Variants in KCNK5 observed in about 807,000 individuals in gnomAD.
KCNK5 encodes potassium two pore domain channel subfamily K member 5, also known as potassium channel subfamily K member 5.
A neutral mutation model predicts 32.9 loss-of-function variants in KCNK5; 18 were observed. The observed-to-expected ratio is 0.55, with a 90% confidence interval of 0.38 to 0.81. The LOEUF (loss-of-function observed/expected upper bound fraction) is 0.81. Among genes scored for constraint, KCNK5 ranks in the 30% least tolerant of loss-of-function variants. KCNK5 has a pLI of 0.00. For synonymous variants in KCNK5, 276 were observed against 275.3 expected (o/e 1.00, Z -0.03); for missense variants, 507 against 651.0 (o/e 0.78, Z 2.41).
chr6:39,225,358 C>T (rs1453230790), intron 1 of KCNK5, among the ~76,000 whole-genome samples: 1 of 152,152 alleles, frequency 6.6e-6, no homozygotes, highest in Non-Finnish European at 1.5e-5. Context: ...CCTAATTTTC[C>T]TCATTTATGA....
rs141388515 is a variant in KCNK5, at chr6:39,205,356, G to C, written c.187-9369C>G. ...TCCCTCTCAAACACACATACCAGATGACCCTCTGAGGCCATGCTCTCAAAA... is the reference window on the plus strand; with the variant it reads ...TCCCTCTCAAACACACATACCAGATCACCCTCTGAGGCCATGCTCTCAAAA... On this transcript the variant is annotated intron_variant, in intron 1 of 4. Transcript: ENST00000359534. 6.1e-3 allele frequency among the ~76,000 whole-genome samples: 928 copies of C among 152,276 alleles called. 8 individuals carry two copies. The highest frequency in any genetic ancestry group is 0.037 in the Middle Eastern group (11 of 294).
At chr6:39,205,472 C>G (rs1310023063) in intron 1 of KCNK5, among the ~76,000 whole-genome samples, 2 of 152,224 alleles carry the variant, frequency 1.3e-5, no homozygotes, top group African/African-American at 4.8e-5. Context: ...CCTATAGCTT[C>G]TCTACCCCAA....
Position 39,224,617 on chromosome 6 carries a change from C to T in KCNK5, c.186+4309G>A, listed in dbSNP as rs975506782. ...TGGAAAACCTTAGAACACAAGAAAG[C>T]ACTTTGGAGCTTAGGAAGGAAGGAG... On this transcript the variant is annotated intron_variant, in intron 1 of 4. Transcript: ENST00000359534. Among the ~76,000 whole-genome samples the T allele has an allele frequency of 2.6e-5, 4 of 152,170 alleles. No homozygotes were observed. In the East Asian group the frequency reaches 5.8e-4, roughly 22 times the overall value.
At chr6:39,207,087 C>CTGT (rs1452080058) in intron 1 of KCNK5, among the ~76,000 whole-genome samples, 1 of 152,200 alleles carries the variant, frequency 6.6e-6, no homozygotes, top group East Asian at 1.9e-4. Context: ...CCAGTCCCTC[C>CTGT]GGCTCAGCAG....
intron 1 of KCNK5, among the ~76,000 whole-genome samples, chr6:39,218,967 G>C (rs4714224): frequency 0.27 from 41,336 of 152,136 alleles, 5,702 homozygotes; most frequent in Admixed American, 0.36. Flanking sequence ...GACCAGGGCT[G>C]ATTCTCTTGC....
chr6:39,205,608 T>G (rs116584110), intron 1 of KCNK5, among the ~76,000 whole-genome samples: 1 of 152,204 alleles, frequency 6.6e-6, no homozygotes, highest in African/African-American at 2.4e-5. Flanking sequence ...GCCCCCAGAG[T>G]TCAGATCCCA....
At position 39,189,731 on chromosome 6, in the gene KCNK5, A is replaced by G. The variant is rs961414365; in HGVS notation, c.*1159T>C. On this transcript the variant is annotated 3_prime_UTR_variant, in exon 5 of 5. Transcript: ENST00000359534. ...CCAGCCCAAATCCTTTCCTTTCTTA[A>G]ACACACACGAGTGCACAGGTGTGCG... 1.0e-4 allele frequency: 16 copies of G among 152,564 alleles called. No homozygotes were observed. Among genetic ancestry groups the G allele is most frequent in the African/African-American group, 3.9e-4 (16 of 41,414 alleles). The allele number at this position is 152,564 out of a possible 1,614,324, so 9.5% of individuals were successfully genotyped here.
At chr6:39,192,959 T>C (rs552895769) in intron 4 of KCNK5, among the ~76,000 whole-genome samples, 2 of 152,204 alleles carry the variant, frequency 1.3e-5, no homozygotes, top group African/African-American at 4.8e-5. Context: ...CGGGCTCAGA[T>C]AGCAGGTGCC....
Position 39,194,206 on chromosome 6 carries a change from G to C in KCNK5, c.597C>G (p.Ile199Met). 1 of 1,614,180 alleles carries C rather than the reference G, an allele frequency of 6.2e-7. No homozygotes were observed. The highest frequency in any genetic ancestry group is 8.5e-7 in the Non-Finnish European group (1 of 1,180,028). Residue 199 changes from isoleucine to methionine, a missense_variant, in exon 4 of 5, where the codon ATC (isoleucine) becomes ATG (methionine). By Grantham distance (10) the Ile-to-Met change is conservative. This residue lies in a region of KCNK5 where 45 missense variants were observed against 107.6 expected (regional missense o/e 0.42). Transcript: ENST00000359534. This position sits in a 1 kb window ranked among gnomAD's most constrained non-coding sequence, Gnocchi z 4.7. The stretch of plus-strand genomic sequence containing the variant: ...CACCGAAGCCGATGGTGGAGATGGT[G>C]ATGAAGGAGTAGTAGAGGCCCTCGA... ...NYIEGLYYSF[I>M]TISTIGFGDF...
intron 1 of KCNK5, among the ~76,000 whole-genome samples, chr6:39,227,288 C>T (rs2113801544): frequency 6.6e-6 from 1 of 152,260 alleles, no homozygotes; most frequent in South Asian, 2.1e-4. Context: ...CCTCTTCCCC[C>T]TCTAAACAAA....
At position 39,214,958 on chromosome 6, in the gene KCNK5, C is replaced by G. The variant is rs560756580; in HGVS notation, c.186+13968G>C. On this transcript the variant is annotated intron_variant, in intron 1 of 4. Coordinates refer to ENST00000359534, the MANE Select transcript of KCNK5 (RefSeq NM_003740.4). Reference sequence around the variant, plus strand: ...TTCATTCCCACAACCCTTAATCCAGCACTGGGCATACAGCGGGCACTAAGT... The same window carrying G: ...TTCATTCCCACAACCCTTAATCCAGGACTGGGCATACAGCGGGCACTAAGT... Among the ~76,000 whole-genome samples the G allele has an allele frequency of 3.3e-5, 5 of 152,328 alleles. No individual in the cohort carries two copies. The East Asian group carries it at 9.6e-4, about 29-fold the overall frequency.
At chr6:39,197,084 C>T (rs1450183364) in intron 1 of KCNK5, among the ~76,000 whole-genome samples, 5 of 152,140 alleles carry the variant, frequency 3.3e-5, no homozygotes, top group Admixed American at 6.5e-5. Context: ...CCCCAAGGAG[C>T]GCCTGCAGAT....
intron 1 of KCNK5, among the ~76,000 whole-genome samples, chr6:39,216,281 T>C (rs896977552): frequency 6.6e-6 from 1 of 152,008 alleles, no homozygotes; most frequent in Non-Finnish European, 1.5e-5. Context: ...TGAGACTCCA[T>C]CTCAAAACAA....
At chr6:39,216,964 A>C (rs1361147807) in intron 1 of KCNK5, among the ~76,000 whole-genome samples, 1 of 151,866 alleles carries the variant, frequency 6.6e-6, no homozygotes, top group Non-Finnish European at 1.5e-5. Flanking sequence ...TCTACTAAAA[A>C]TACAAACTTA....
intron 1 of KCNK5, among the ~76,000 whole-genome samples, chr6:39,223,614 T>G (rs1172024644): frequency 6.6e-6 from 1 of 152,136 alleles, no homozygotes; most frequent in Non-Finnish European, 1.5e-5. Context: ...GCATCCCAAT[T>G]TGGACAAAGA....
At chr6:39,210,566 G>A (rs1381643758) in intron 1 of KCNK5, among the ~76,000 whole-genome samples, 2 of 152,314 alleles carry the variant, frequency 1.3e-5, no homozygotes, top group African/African-American at 4.8e-5. Context: ...CAGAGTCATG[G>A]ACAAACTTCT....
intron 1 of KCNK5, among the ~76,000 whole-genome samples, chr6:39,201,256 T>C (rs963192879): frequency 3.5e-4 from 31 of 87,522 alleles, no homozygotes; most frequent in African/African-American, 1.1e-3. Flanking sequence ...TTTTCTTCTT[T>C]TTTTTTTTTT....
intron 1 of KCNK5, among the ~76,000 whole-genome samples, chr6:39,198,277 G>A (rs1408187079): frequency 2.6e-5 from 4 of 152,220 alleles, no homozygotes; most frequent in Non-Finnish European, 4.4e-5. Flanking sequence ...ACAACCCTAG[G>A]AGGTATTGAT....
At chr6:39,219,625 C>T (rs1029229239) in intron 1 of KCNK5, among the ~76,000 whole-genome samples, 3 of 152,306 alleles carry the variant, frequency 2.0e-5, no homozygotes, top group Non-Finnish European at 4.4e-5. Context: ...AGAGTCTGGG[C>T]CTGGGGCACC....
Sources: gnomAD v4.1 joint callset for allele counts (sites outside exome capture counted in the v4.1 genomes callset) on GRCh38, gnomAD v4.1.1 for gene constraint, gnomAD v4.1.1 regional missense constraint, Gnocchi (gnomAD v3.1) non-coding constraint, MANE v1.5 for transcripts, NCBI Gene and HGNC (gene_info 2026-07-23, HGNC 2026-07-21) for gene names.